SPDL1: variants seen among roughly 807,000 people sequenced by gnomAD.
SPDL1 encodes the protein protein Spindly.
In SPDL1, 85 loss-of-function variants were observed where a neutral mutation model predicts 79.5. The observed-to-expected ratio is 1.07, with a 90% CI of 0.90 to 1.28. The LOEUF (loss-of-function observed/expected upper bound fraction) is 1.28, where lower values mean the gene tolerates loss of function less well. Ranked by LOEUF, SPDL1 falls within the 50% of genes most tolerant of loss-of-function variation. SPDL1 has a pLI of 0.00. For synonymous variants in SPDL1, 269 were observed against 240.3 expected (o/e 1.12, Z -1.10); for missense variants, 703 against 697.8 (o/e 1.01, Z -0.08).
chr5:169,594,360 C>A (rs764882094), intron 5 of SPDL1, 34 bp from the exon 6 acceptor site: 3 of 1,612,106 alleles, frequency 1.9e-6, no homozygotes, highest in Non-Finnish European at 2.5e-6. Context: ...CTAATGTAAT[C>A]TCTGTTGCCT....
intron 11 of SPDL1, among the ~76,000 whole-genome samples, chr5:169,603,808 C>G (rs1003033216): frequency 6.6e-6 from 1 of 152,126 alleles, no homozygotes; most frequent in African/African-American, 2.4e-5. Flanking sequence ...GAGCCGAGAT[C>G]ATGCCACTGC....
Position 169,594,499 on chromosome 5 carries a change from A to G in SPDL1, c.780+7A>G, listed in dbSNP as rs1426998680. The stretch of plus-strand genomic sequence containing the variant: ...CAACTCTTTGTTTGCAGAGGTACTT[A>G]TAAGTATCCTAACTACTAAATTGGT... On this transcript the variant is annotated splice_region_variant and intron_variant, in intron 6 of 11. Coordinates refer to ENST00000265295, the MANE Select transcript of SPDL1 (RefSeq NM_017785.5). The G allele has an allele frequency of 1.9e-6, 3 of 1,613,362 alleles. No individual in the cohort carries two copies. The highest frequency in any genetic ancestry group is 1.7e-5 in the Admixed American group (1 of 59,996).
At chr5:169,588,745 T>C in intron 2 of SPDL1, 170 bp downstream of exon 2, 1 of 515,040 alleles carries the variant, frequency 1.9e-6, no homozygotes, top group Non-Finnish European at 3.4e-6. Flanking sequence ...TTCCTGTTAT[T>C]CTTTCCACCC....
At position 169,591,158 on chromosome 5, in the gene SPDL1, C is replaced by A. The variant is rs762018413; in HGVS notation, c.270C>A (p.His90Gln). Reference protein sequence around the residue: ...CEAIKQQQKMHLEKLEEQLSR... With the variant: ...CEAIKQQQKMQLEKLEEQLSR... ...CTATTAAACAACAACAAAAAATGCA[C>A]CTGGAGAAATTGGAAGAACAACTAA... Residue 90 changes from histidine to glutamine, a missense_variant, in exon 3 of 12, where the codon CAC (histidine) becomes CAA (glutamine). Transcript: ENST00000265295. The A allele has an allele frequency of 1.2e-6, 2 of 1,613,792 alleles. No individual in the cohort carries two copies. The highest frequency in any genetic ancestry group is 3.3e-5 in the Admixed American group (2 of 59,990).
intron 11 of SPDL1, 68 bp from the exon 12 acceptor site, chr5:169,603,992 T>G (rs976501476): frequency 6.6e-7 from 1 of 1,522,136 alleles, no homozygotes; most frequent in African/African-American, 1.4e-5. Context: ...CCCATTATAC[T>G]GGGGGTTTGT....
intron 1 of SPDL1, among the ~76,000 whole-genome samples, chr5:169,584,358 A>G (rs143961547): frequency 5.1e-4 from 78 of 152,344 alleles, no homozygotes; most frequent in African/African-American, 1.8e-3. Context: ...TTAAATCATG[A>G]TGGCTCCTAG....
intron 1 of SPDL1, among the ~76,000 whole-genome samples, chr5:169,588,017 T>G (rs1755073238): frequency 6.6e-6 from 1 of 152,208 alleles, no homozygotes; most frequent in Admixed American, 6.5e-5. Context: ...CTATGAGGTT[T>G]CTTGATTACT....
At position 169,598,951 on chromosome 5, in the gene SPDL1, TCTC is replaced by T. The variant is rs1285858932; in HGVS notation, c.1137-18_1137-16del. 1 of 1,516,458 alleles carries T rather than the reference TCTC, an allele frequency of 6.6e-7. No individual in the cohort carries two copies. The highest frequency in any genetic ancestry group is 1.4e-5 in the African/African-American group (1 of 71,542). The allele number at this position is 1,516,458 out of a possible 1,614,324, so 93.9% of individuals were successfully genotyped here. ...ATATGCTGTCTTAATACTCGTTGGT[TCTC>T]CTTTTTTATTATCATAGCAAAGAAA... On this transcript the variant is annotated intron_variant, in intron 9 of 11. Coordinates refer to ENST00000265295, the MANE Select transcript of SPDL1 (RefSeq NM_017785.5).
In SPDL1 at chr5:169,604,100, G is replaced by A; in HGVS notation, c.1711G>A (p.Gly571Arg). The change falls in exon 12 of 12, where the codon GGA (glycine) becomes AGA (arginine). Residue 571 changes from glycine to arginine, a missense_variant. Gly to Arg is a moderately radical substitution (Grantham distance 125). Coordinates refer to ENST00000265295, the MANE Select transcript of SPDL1 (RefSeq NM_017785.5). ...ESKLQTEVKEGKETSSKLEKE... is the reference protein window; with the variant it reads ...ESKLQTEVKERKETSSKLEKE... Reference sequence around the variant, plus strand: ...AAAGCTTCAAACAGAAGTTAAAGAAGGAAAAGAAACTTCAAGCAAATTGGA... The same window carrying A: ...AAAGCTTCAAACAGAAGTTAAAGAAAGAAAAGAAACTTCAAGCAAATTGGA... 6.2e-7 allele frequency: 1 copy of A among 1,612,646 alleles called. No individual in the cohort carries two copies. The highest frequency in any genetic ancestry group is 1.7e-5 in the Admixed American group (1 of 59,782).
intron 2 of SPDL1, chr5:169,590,743 T>G: frequency 2.1e-6 from 1 of 476,456 alleles, no homozygotes; most frequent in Non-Finnish European, 4.2e-6. Flanking sequence ...AAATCTTTTT[T>G]TGTTGTTAGC....
intron 3 of SPDL1, among the ~76,000 whole-genome samples, chr5:169,592,585 C>A (rs1308961951): frequency 6.6e-6 from 1 of 151,976 alleles, no homozygotes; most frequent in Non-Finnish European, 1.5e-5. Flanking sequence ...TCTAAATATA[C>A]CTTCATGTAA....
At chr5:169,587,001 G>T (rs923640660) in intron 1 of SPDL1, among the ~76,000 whole-genome samples, 7 of 152,080 alleles carry the variant, frequency 4.6e-5, no homozygotes, top group African/African-American at 1.7e-4. Flanking sequence ...GCTTCTTCCT[G>T]CCTTAAGGAT....
chr5:169,592,149 T>C (rs938713075), intron 3 of SPDL1, among the ~76,000 whole-genome samples: 3 of 152,122 alleles, frequency 2.0e-5, no homozygotes, highest in African/African-American at 7.2e-5. Context: ...ATTACTTAAT[T>C]TCTCATTGAC....
chr5:169,601,189 A>G, intron 10 of SPDL1, 91 bp from the exon 11 acceptor site: 2 of 1,083,476 alleles, frequency 1.8e-6, no homozygotes, highest in Admixed American at 2.8e-5. Context: ...GAATGGAAAA[A>G]GGTATACATA....
intron 3 of SPDL1, among the ~76,000 whole-genome samples, chr5:169,591,444 T>C (rs1177582853): frequency 6.6e-6 from 1 of 152,146 alleles, no homozygotes; most frequent in Non-Finnish European, 1.5e-5. Context: ...TTATTTAATT[T>C]TGGTTGCTGG....
chr5:169,589,895 G>GT (rs1755187436), intron 2 of SPDL1, among the ~76,000 whole-genome samples: 1 of 152,016 alleles, frequency 6.6e-6, no homozygotes, highest in Non-Finnish European at 1.5e-5. Context: ...TAGAGATGGG[G>GT]TTTCACCATG....
Position 169,604,467 on chromosome 5 carries a change from C to CT in SPDL1, c.*261dup. On this transcript the variant is annotated 3_prime_UTR_variant, in exon 12 of 12. Coordinates refer to ENST00000265295, the MANE Select transcript of SPDL1 (RefSeq NM_017785.5). ...AAGGAAAATGTTATAATTAATGTATCTATTTGCTGCATTGTATATGGATTA... is the reference window on the plus strand; with the variant it reads ...AAGGAAAATGTTATAATTAATGTATCTTATTTGCTGCATTGTATATGGATTA... 4.4e-6 allele frequency: 1 copy of CT among 226,532 alleles called. No individual in the cohort carries two copies. The highest frequency in any genetic ancestry group is 8.6e-6 in the Non-Finnish European group (1 of 116,762). 14.0% of individuals were successfully genotyped at this position (226,532 alleles called of 1,614,324 possible).
At chr5:169,599,919 TG>T (rs1755796066) in intron 10 of SPDL1, among the ~76,000 whole-genome samples, 1 of 151,880 alleles carries the variant, frequency 6.6e-6, no homozygotes, top group Non-Finnish European at 1.5e-5. Flanking sequence ...TCCACCAAAA[TG>T]GGGGGGAAAG....
At chr5:169,589,762 C>T (rs911947662) in intron 2 of SPDL1, among the ~76,000 whole-genome samples, 1 of 150,756 alleles carries the variant, frequency 6.6e-6, no homozygotes, top group Non-Finnish European at 1.5e-5. Context: ...AGTGCAGTGG[C>T]GCAATCTTGG....
Sources: allele counts gnomAD v4.1 joint callset (sites outside exome capture counted in the v4.1 genomes callset), GRCh38; gene constraint gnomAD v4.1.1; transcripts MANE v1.5; gene names NCBI Gene and HGNC (gene_info 2026-07-23, HGNC 2026-07-21).